Variants in BBS9 observed in about 807,000 individuals in gnomAD.
BBS9 encodes the protein Bardet-Biedl syndrome 9, also known as protein PTHB1.
BBS9 carries 89 observed loss-of-function variants against 117.7 expected under a neutral mutation model. The ratio of observed to expected loss-of-function variants is 0.76; its 90% CI spans 0.64 to 0.90. The LOEUF (loss-of-function observed/expected upper bound fraction) is 0.90. Among genes scored for constraint, BBS9 ranks in the 40% least tolerant of loss-of-function variants. The pLI, the probability that BBS9 is intolerant of heterozygous loss-of-function variation, is 0.00. For missense variants in BBS9, 982 were observed against 1,042.2 expected (o/e 0.94, Z 0.80); for synonymous variants, 379 against 370.9 (o/e 1.02, Z -0.25).
chr7:33,195,019 G>A (rs909017937), intron 5 of BBS9, among the ~76,000 whole-genome samples: 2 of 152,192 alleles, frequency 1.3e-5, no homozygotes, highest in Non-Finnish European at 2.9e-5. Flanking sequence ...TGAACCCAGA[G>A]CTATCTGATT....
chr7:33,274,710 C>T lies in BBS9; in HGVS notation c.1016+754C>T, dbSNP rs150397495. ...TTTTATTGAGCATTTAAAGGCCATA[C>T]GGGGCGGGGCACAGTGGCTCACGCC... On this transcript the variant is annotated intron_variant, in intron 9 of 22. Coordinates refer to ENST00000242067, the MANE Select transcript of BBS9 (RefSeq NM_198428.3). 2.8e-3 allele frequency among the ~76,000 whole-genome samples: 425 copies of T among 152,084 alleles called. 7 individuals carry two copies. Among genetic ancestry groups the T allele is most frequent in the East Asian group, 8.9e-3 (46 of 5,172 alleles).
At chr7:33,199,563 C>A (rs1221636149) in intron 5 of BBS9, among the ~76,000 whole-genome samples, 2 of 151,070 alleles carry the variant, frequency 1.3e-5, no homozygotes, top group African/African-American at 4.9e-5. Flanking sequence ...AGTCAGTCCT[C>A]AACTTTTTGG....
intron 5 of BBS9, among the ~76,000 whole-genome samples, chr7:33,207,536 CTT>C (rs780030568): frequency 1.2e-4 from 17 of 140,892 alleles, no homozygotes; most frequent in Admixed American, 2.1e-4. Flanking sequence ...GACATGTCTT[CTT>C]TTTTTTTTTT....
intron 12 of BBS9, among the ~76,000 whole-genome samples, chr7:33,345,965 G>A (rs1401523169): frequency 1.3e-5 from 2 of 152,116 alleles, no homozygotes; most frequent in Non-Finnish European, 2.9e-5. Flanking sequence ...GCTTTCATGT[G>A]TAGTAGCCAC....
At chr7:33,230,842 C>G (rs1792229343) in intron 5 of BBS9, among the ~76,000 whole-genome samples, 1 of 152,140 alleles carries the variant, frequency 6.6e-6, no homozygotes, top group African/African-American at 2.4e-5. Context: ...TAGGTTGATT[C>G]CATATCTTTA....
chr7:33,187,242 T>C (rs1451685724), intron 5 of BBS9, among the ~76,000 whole-genome samples: 1 of 152,252 alleles, frequency 6.6e-6, no homozygotes, highest in African/African-American at 2.4e-5. Context: ...CGTAGTAAAA[T>C]AAGATACTTC....
Position 33,624,045 on chromosome 7 carries a change from A to G in BBS9, c.2522-11132A>G, listed in dbSNP as rs180866113. ...GACTGTTTAATTTATTTTACCATAA[A>G]AAATTTAAAAACAGAAAACGACATG... On this transcript the variant is annotated intron_variant, in intron 21 of 21. Transcript: ENST00000671952. Among the ~76,000 whole-genome samples the G allele has an allele frequency of 8.3e-3, 1,268 of 152,204 alleles. 9 individuals are homozygous for G. Among genetic ancestry groups the G allele is most frequent in the Non-Finnish European group, 0.011 (754 of 67,996 alleles).
At chr7:33,537,325 G>A (rs897960855) in intron 21 of BBS9, among the ~76,000 whole-genome samples, 3 of 152,158 alleles carry the variant, frequency 2.0e-5, no homozygotes, top group Non-Finnish European at 2.9e-5. Context: ...CCTCCCTGGC[G>A]TCCAGAGTTT....
intron 21 of BBS9, among the ~76,000 whole-genome samples, chr7:33,603,331 C>T (rs774255426): frequency 1.3e-5 from 2 of 152,026 alleles, no homozygotes; most frequent in Admixed American, 6.5e-5. Flanking sequence ...CAGGTCTCCC[C>T]TCAGCCCCTG....
At chr7:33,143,836 A>G (rs116011841) in intron 1 of BBS9, among the ~76,000 whole-genome samples, 1,683 of 130,494 alleles carry the variant, frequency 0.013, 32 homozygotes, top group African/African-American at 0.043. Context: ...AGATGCTGGG[A>G]TTACAAGTAT....
intron 5 of BBS9, among the ~76,000 whole-genome samples, chr7:33,224,375 A>T (rs921708430): frequency 6.6e-6 from 1 of 152,200 alleles, no homozygotes; most frequent in Non-Finnish European, 1.5e-5. Flanking sequence ...TAACTGTTCT[A>T]TATCTGTCTG....
chr7:33,295,981 C>T (rs1349634581), intron 9 of BBS9, among the ~76,000 whole-genome samples: 1 of 151,980 alleles, frequency 6.6e-6, no homozygotes, highest in Non-Finnish European at 1.5e-5. Context: ...TTCCATGTAA[C>T]ATGAGTAAGA....
intron 20 of BBS9, 121 bp downstream of exon 20, chr7:33,505,766 A>T: frequency 9.4e-7 from 1 of 1,062,714 alleles, no homozygotes; most frequent in Middle Eastern, 3.0e-4. Flanking sequence ...TTTTTACAAA[A>T]ATGCTGCTTT....
chr7:33,200,697 C>G (rs1271513782), intron 5 of BBS9, among the ~76,000 whole-genome samples: 2 of 151,898 alleles, frequency 1.3e-5, no homozygotes, highest in Admixed American at 6.6e-5. Context: ...GACAAGGAAT[C>G]CCCCCCAACA....
intron 21 of BBS9, among the ~76,000 whole-genome samples, chr7:33,586,717 A>G (rs10257595): frequency 0.066 from 10,089 of 152,136 alleles, 560 homozygotes; most frequent in African/African-American, 0.15. Context: ...GTAGCCATAA[A>G]AAACAAAACA....
intron 19 of BBS9, among the ~76,000 whole-genome samples, chr7:33,416,424 T>C (rs1832028893): frequency 6.6e-6 from 1 of 151,980 alleles, no homozygotes; most frequent in African/African-American, 2.4e-5. Flanking sequence ...ATTGTTCTTT[T>C]ACCCACATTT....
At chr7:33,255,888 T>G (rs1370465944) in intron 5 of BBS9, among the ~76,000 whole-genome samples, 1 of 152,204 alleles carries the variant, frequency 6.6e-6, no homozygotes, top group African/African-American at 2.4e-5. Context: ...CTGGGCGTGG[T>G]GGCTCACGCC....
At chr7:33,435,124 G>A (rs1160866322) in intron 19 of BBS9, among the ~76,000 whole-genome samples, 6 of 152,034 alleles carry the variant, frequency 3.9e-5, no homozygotes, top group Non-Finnish European at 8.8e-5. Flanking sequence ...AATAAATACC[G>A]CATGTTGAGA....
At chr7:33,406,268 G>A (rs1018502014) in intron 19 of BBS9, among the ~76,000 whole-genome samples, 1 of 151,982 alleles carries the variant, frequency 6.6e-6, no homozygotes, top group Non-Finnish European at 1.5e-5. Context: ...CCAAGTATGT[G>A]GTCAATTTTG....
Sources: gnomAD v4.1 joint callset for allele counts (sites outside exome capture counted in the v4.1 genomes callset) on GRCh38, gnomAD v4.1.1 for gene constraint, MANE v1.5 for transcripts, NCBI Gene and HGNC (gene_info 2026-07-23, HGNC 2026-07-21) for gene names.